Variants in EXTL3 observed in about 807,000 individuals in gnomAD.
EXTL3 encodes exostosin-like 3.
EXTL3 carries 27 observed loss-of-function variants against 69.3 expected under a neutral mutation model. The observed-to-expected ratio is 0.39, with a 90% confidence interval of 0.29 to 0.54. The LOEUF (loss-of-function observed/expected upper bound fraction) is 0.54. Among genes scored for constraint, EXTL3 ranks in the 20% least tolerant of loss-of-function variants. EXTL3 has a pLI of 0.69. For synonymous variants in EXTL3, 511 were observed against 499.4 expected (o/e 1.02, Z -0.31); for missense variants, 1,003 against 1,231.8 (o/e 0.81, Z 2.78).
At chr8:28,714,439 G>A (rs943903210) in intron 2 of EXTL3, among the ~76,000 whole-genome samples, 10 of 152,090 alleles carry the variant, frequency 6.6e-5, no homozygotes, top group African/African-American at 2.4e-4. Flanking sequence ...AGAGAAAGTG[G>A]TTGTGCCTCT....
upstream of EXTL3, among the ~76,000 whole-genome samples, chr8:28,622,558 T>TGGGCGGGGCGTTAGG (rs1806429534): frequency 2.9e-4 from 6 of 21,010 alleles, no homozygotes; most frequent in Non-Finnish European, 4.6e-4. Flanking sequence ...GCGGAGGCGG[T>TGGGCGGGGCGTTAGG]GGGCGGGGCG....
intron 1 of EXTL3, among the ~76,000 whole-genome samples, chr8:28,659,932 C>T (rs1349474555): frequency 6.6e-6 from 1 of 152,084 alleles, no homozygotes; most frequent in Non-Finnish European, 1.5e-5. Flanking sequence ...GCTTGAATAT[C>T]CCCTGAAAGA....
At position 28,751,257 on chromosome 8, in the gene EXTL3, G is replaced by A. The variant is rs1801997519; in HGVS notation, c.*391G>A. On this transcript the variant is annotated 3_prime_UTR_variant, in exon 7 of 7. Coordinates refer to ENST00000220562, the MANE Select transcript of EXTL3 (RefSeq NM_001440.4). ...CCATTCAAGGCTTATTTATATATAT[G>A]TGTGTGTATATAAATACATGCACAC... is the stretch of plus-strand genomic sequence containing the variant. 5 of 249,472 alleles carry A rather than the reference G, an allele frequency of 2.0e-5. No homozygotes were observed. The South Asian group carries it at 2.9e-4, about 15-fold the overall frequency. The allele number at this position is 249,472 out of a possible 1,614,324, so 15.5% of individuals were successfully genotyped here.
At chr8:28,629,641 G>A (rs185408210) in intron 1 of EXTL3, among the ~76,000 whole-genome samples, 111 of 152,220 alleles carry the variant, frequency 7.3e-4, no homozygotes, top group Admixed American at 2.0e-3. Context: ...ATGAAGGTGG[G>A]CGGTGCCAAA....
Position 28,678,885 on chromosome 8 carries a change from C to T in EXTL3, c.-52-34572C>T, listed in dbSNP as rs1236226047. Among the ~76,000 whole-genome samples, 13 of 152,286 alleles carry T rather than the reference C, an allele frequency of 8.5e-5. No homozygotes were observed. In the East Asian group the frequency reaches 1.5e-3, roughly 18 times the overall value. ...TCTGGCCAACTAAGGATGGGCTGCC[C>T]TCCTGCACTGTGTGTAGTGGAAGTG... is the stretch of plus-strand genomic sequence containing the variant. On this transcript the variant is annotated intron_variant, in intron 1 of 6. Transcript: ENST00000523149.
At chr8:28,634,301 G>C (rs999278143) in intron 1 of EXTL3, among the ~76,000 whole-genome samples, 2 of 152,116 alleles carry the variant, frequency 1.3e-5, no homozygotes, top group Admixed American at 6.6e-5. Context: ...TTGTTCTTAA[G>C]CCATGCTGTG....
At chr8:28,703,866 C>T (rs1800864696) in intron 1 of EXTL3, among the ~76,000 whole-genome samples, 1 of 152,174 alleles carries the variant, frequency 6.6e-6, no homozygotes, top group East Asian at 1.9e-4. Flanking sequence ...CCCTTCATTT[C>T]GGCAACTATC....
At chr8:28,619,311 A>AAAAAAAAAAAC (rs1478312916), upstream of EXTL3, among the ~76,000 whole-genome samples, 9 of 121,498 alleles carry the variant, frequency 7.4e-5, no homozygotes, top group Non-Finnish European at 1.1e-4. Context: ...AAAAAAAAAA[A>AAAAAAAAAAAC]AAAACCCTGT....
chr8:28,629,774 G>A (rs1298023661), intron 1 of EXTL3, among the ~76,000 whole-genome samples: 7 of 152,080 alleles, frequency 4.6e-5, no homozygotes, highest in Admixed American at 4.6e-4. Context: ...AACTTGCTCC[G>A]GCAGAGACCA....
chr8:28,716,435 C>G lies in EXTL3; in HGVS notation c.376C>G (p.Gln126Glu), dbSNP rs916779409. Residue 126 changes from glutamine (Q) to glutamate (E), a missense_variant, in exon 3 of 7, where the codon CAG becomes GAG. Gln to Glu is a conservative substitution (Grantham distance 29). Around this residue, in one of 2 missense-constraint regions of EXTL3, gnomAD observed 742 missense variants for 815.4 expected, o/e 0.91. Transcript: ENST00000220562. The surrounding 1 kb of genome is among the most constrained non-coding windows in gnomAD (Gnocchi z 7.1). Reference protein sequence around the residue: ...ACKKSIENAKQDLLQLKNVIS... With the variant: ...ACKKSIENAKEDLLQLKNVIS... ...TAAGAAGAGCATTGAGAACGCCAAG[C>G]AGGACCTGCTCCAGCTCAAGAATGT... The G allele has an allele frequency of 6.2e-7, 1 of 1,613,666 alleles. No individual in the cohort carries two copies. The highest frequency in any genetic ancestry group is 8.5e-7 in the Non-Finnish European group (1 of 1,179,956).
intron 1 of EXTL3, among the ~76,000 whole-genome samples, chr8:28,651,410 C>G (rs186793274): frequency 6.6e-6 from 1 of 152,036 alleles, no homozygotes; most frequent in Non-Finnish European, 1.5e-5. Flanking sequence ...ACTGCAGCCT[C>G]GAACTCCTAG....
intron 1 of EXTL3, among the ~76,000 whole-genome samples, chr8:28,664,808 A>G (rs1051141031): frequency 6.6e-6 from 1 of 152,182 alleles, no homozygotes; most frequent in Non-Finnish European, 1.5e-5. Context: ...TTTCACAAGA[A>G]TGCAACACCA....
rs1802065418 is a variant in EXTL3, at chr8:28,753,886, C to G, written c.*3020C>G. ...AGATGGGTGAACAGACTCACACTCA[C>G]ATGGGCAGCCTTGCCTGTGCCCGGT... On this transcript the variant is annotated 3_prime_UTR_variant, in exon 7 of 7. Coordinates refer to ENST00000220562, the MANE Select transcript of EXTL3 (RefSeq NM_001440.4). 6.6e-6 allele frequency: 1 copy of G among 152,228 alleles called. No homozygotes were observed. Among genetic ancestry groups the G allele is most frequent in the Non-Finnish European group, 1.5e-5 (1 of 68,082 alleles). The allele number at this position is 152,228 out of a possible 1,614,324, so 9.4% of individuals were successfully genotyped here.
chr8:28,632,309 C>G (rs552609779), intron 1 of EXTL3, among the ~76,000 whole-genome samples: 1 of 151,938 alleles, frequency 6.6e-6, no homozygotes, highest in South Asian at 2.1e-4. Context: ...GCAGGAGAAT[C>G]GCTTAAACCC....
At chr8:28,628,454 G>C (rs1806527130) in intron 1 of EXTL3, among the ~76,000 whole-genome samples, 1 of 152,142 alleles carries the variant, frequency 6.6e-6, no homozygotes, top group Non-Finnish European at 1.5e-5. Flanking sequence ...AGGATCACTT[G>C]AGCCAAGGTT....
At chr8:28,742,843 G>A (rs1411039730) in intron 5 of EXTL3, 1 of 519,384 alleles carries the variant, frequency 1.9e-6, no homozygotes, top group Non-Finnish European at 3.5e-6. Context: ...CGGTACCAGG[G>A]AGATGATATG....
rs1801131314 is a variant in EXTL3 at position 28,715,866 on chromosome 8, C to T, written c.-194C>T. The T allele has an allele frequency of 3.4e-6, 2 of 589,050 alleles. No homozygotes were observed. Among genetic ancestry groups the T allele is most frequent in the Non-Finnish European group, 6.0e-6 (2 of 333,030 alleles). The allele number at this position is 589,050 out of a possible 1,614,324, so 36.5% of individuals were successfully genotyped here. A position where few individuals can be genotyped will look rare whatever the true frequency, so the allele number is the denominator to read the frequency against. On this transcript the variant is annotated 5_prime_UTR_variant, in exon 3 of 7. Coordinates refer to ENST00000220562, the MANE Select transcript of EXTL3 (RefSeq NM_001440.4). ...GTCAACAGCCAGAACTTAAAATCTGCTGGAATAGGGTCAGAGACCATTTCA... is the reference window on the plus strand; with the variant it reads ...GTCAACAGCCAGAACTTAAAATCTGTTGGAATAGGGTCAGAGACCATTTCA...
chr8:28,705,945 CTGTT>C (rs980449026), intron 1 of EXTL3, among the ~76,000 whole-genome samples: 3 of 152,148 alleles, frequency 2.0e-5, no homozygotes, highest in Admixed American at 6.5e-5. Flanking sequence ...GTTTTTGCTT[CTGTT>C]TGTTTTTCTA....
intron 4 of EXTL3, among the ~76,000 whole-genome samples, chr8:28,734,841 C>G (rs1801612464): frequency 6.6e-6 from 1 of 152,240 alleles, no homozygotes; most frequent in Admixed American, 6.5e-5. Flanking sequence ...CCTGACCTAC[C>G]TGGCTCTGGA....
Sources: gnomAD v4.1 joint callset for allele counts (sites outside exome capture counted in the v4.1 genomes callset) on GRCh38, gnomAD v4.1.1 for gene constraint, gnomAD v4.1.1 regional missense constraint, Gnocchi (gnomAD v3.1) non-coding constraint, MANE v1.5 for transcripts, NCBI Gene and HGNC (gene_info 2026-07-23, HGNC 2026-07-21) for gene names.